SGCD: variants seen among roughly 807,000 people sequenced by gnomAD.
The protein encoded by SGCD is delta-sarcoglycan.
In SGCD, 18 loss-of-function variants were observed where a neutral mutation model predicts 36.6. That is an observed-to-expected ratio of 0.49 (90% confidence interval 0.34 to 0.73). The LOEUF (loss-of-function observed/expected upper bound fraction) is 0.73. Ranked by LOEUF, SGCD falls within the 30% of genes least tolerant of loss-of-function variation. The pLI is 0.01. For synonymous variants in SGCD, 133 were observed against 130.6 expected (o/e 1.02, Z -0.12); for missense variants, 387 against 346.7 (o/e 1.12, Z -0.92).
At chr5:156,530,988 A>G (rs1459724604) in intron 4 of SGCD, among the ~76,000 whole-genome samples, 1 of 152,166 alleles carries the variant, frequency 6.6e-6, no homozygotes, top group African/African-American at 2.4e-5. Flanking sequence ...TGTGGTTTAA[A>G]TGTGTCCCCT....
At chr5:156,449,328 A>T (rs1753891855) in intron 3 of SGCD, among the ~76,000 whole-genome samples, 1 of 152,130 alleles carries the variant, frequency 6.6e-6, no homozygotes, top group Non-Finnish European at 1.5e-5. Flanking sequence ...TTTGTTGCAC[A>T]CTAGACCATA....
At chr5:155,860,326 G>A in the SGCD span, among the ~76,000 whole-genome samples, 1 of 152,156 alleles carries the variant, frequency 6.6e-6, no homozygotes, top group African/African-American at 2.4e-5. Flanking sequence ...TGACAATCCT[G>A]ACATTTAAAC....
intron 1 of SGCD, among the ~76,000 whole-genome samples, chr5:155,882,978 T>A (rs1755922004): frequency 6.6e-6 from 1 of 152,228 alleles, no homozygotes; most frequent in African/African-American, 2.4e-5. Context: ...ACTTCCTTAA[T>A]GATCTCAGCT....
intron 3 of SGCD, among the ~76,000 whole-genome samples, chr5:156,431,866 C>T (rs1330332385): frequency 1.3e-5 from 2 of 152,218 alleles, no homozygotes; most frequent in East Asian, 3.9e-4. Context: ...CAGGCATGCA[C>T]CACCATGCCC....
intron 3 of SGCD, among the ~76,000 whole-genome samples, chr5:156,500,454 T>A (rs945604860): frequency 2.0e-5 from 3 of 152,132 alleles, no homozygotes; most frequent in Non-Finnish European, 4.4e-5. Flanking sequence ...CAGCAAGAGA[T>A]TATCTTGAGA....
At chr5:156,284,427 A>C (rs2127674561) in intron 3 of SGCD, among the ~76,000 whole-genome samples, 1 of 152,314 alleles carries the variant, frequency 6.6e-6, no homozygotes, top group Admixed American at 6.5e-5. Context: ...TCCTCAATAG[A>C]ATACTGGCAA....
At chr5:156,657,922 G>A (rs1381499985) in intron 7 of SGCD, among the ~76,000 whole-genome samples, 1 of 134,748 alleles carries the variant, frequency 7.4e-6, no homozygotes, top group Non-Finnish European at 1.6e-5. Context: ...GATGTGTCAG[G>A]GTCACAAGAC....
intron 1 of SGCD, among the ~76,000 whole-genome samples, chr5:156,075,851 C>G (rs908179681): frequency 2.0e-5 from 3 of 152,294 alleles, no homozygotes; most frequent in Admixed American, 6.5e-5. Context: ...TCATCATTTT[C>G]TACTTGCAGC....
Position 156,667,317 on chromosome 5 carries a change from G to T in SGCD, c.575+19781G>T, listed in dbSNP as rs114814659. ...TTGAGCTTCTTAGCTGTAGGTACTTGGTATGTGGGGCAGTATGACTGATAC... is the reference window on the plus strand; with the variant it reads ...TTGAGCTTCTTAGCTGTAGGTACTTTGTATGTGGGGCAGTATGACTGATAC... On this transcript the variant is annotated intron_variant, in intron 7 of 8. Transcript: ENST00000337851. Among the ~76,000 whole-genome samples the T allele has an allele frequency of 2.0e-3, 297 of 152,226 alleles. 2 individuals are homozygous for T. The highest frequency in any genetic ancestry group is 0.014 in the Middle Eastern group (4 of 294).
At chr5:155,729,941 C>G in the SGCD span, among the ~76,000 whole-genome samples, 158 of 152,290 alleles carry the variant, frequency 1.0e-3, 4 homozygotes, top group East Asian at 0.028. Flanking sequence ...TATCCCAGCT[C>G]CTCCGGCTGG....
chr5:156,352,043 C>T (rs1237098249), intron 3 of SGCD, among the ~76,000 whole-genome samples: 2 of 152,172 alleles, frequency 1.3e-5, no homozygotes, highest in African/African-American at 2.4e-5. Context: ...TTTTATATTT[C>T]CCTAGGCTGT....
chr5:156,164,944 C>G (rs2127619664), intron 3 of SGCD, among the ~76,000 whole-genome samples: 1 of 152,322 alleles, frequency 6.6e-6, no homozygotes, highest in East Asian at 1.9e-4. Context: ...GTTTTCTCCT[C>G]TGGAAAATTG....
chr5:156,376,734 T>G (rs1205074699), intron 3 of SGCD, among the ~76,000 whole-genome samples: 1 of 152,164 alleles, frequency 6.6e-6, no homozygotes, highest in Non-Finnish European at 1.5e-5. Flanking sequence ...TAGGAGAAAA[T>G]TATACTTTTA....
chr5:156,380,482 A>T (rs1423047598), intron 3 of SGCD, among the ~76,000 whole-genome samples: 1 of 152,220 alleles, frequency 6.6e-6, no homozygotes, highest in Non-Finnish European at 1.5e-5. Context: ...TCATTCTCTC[A>T]TTCACTCATT....
At chr5:156,502,382 C>G (rs554640449) in intron 3 of SGCD, among the ~76,000 whole-genome samples, 6 of 151,976 alleles carry the variant, frequency 3.9e-5, no homozygotes, top group African/African-American at 1.2e-4. Context: ...GGATTTTGCT[C>G]TTTCCCAGGC....
chr5:156,396,497 G>A (rs528406957), intron 3 of SGCD, among the ~76,000 whole-genome samples: 5 of 152,246 alleles, frequency 3.3e-5, no homozygotes, highest in Admixed American at 2.0e-4. Flanking sequence ...GCGGGGTTTT[G>A]GAGAGAAAAT....
chr5:156,468,714 G>A (rs187921190), intron 3 of SGCD, among the ~76,000 whole-genome samples: 1 of 152,174 alleles, frequency 6.6e-6, no homozygotes, highest in East Asian at 1.9e-4. Flanking sequence ...TAATGTGGCT[G>A]TGTGTGGTGG....
chr5:156,381,783 G>A (rs1279528191), intron 3 of SGCD, among the ~76,000 whole-genome samples: 1 of 152,216 alleles, frequency 6.6e-6, no homozygotes, highest in Non-Finnish European at 1.5e-5. Context: ...AAGCTCTAGG[G>A]ACAGTCCGCT....
intron 1 of SGCD, among the ~76,000 whole-genome samples, chr5:155,881,034 A>G (rs1486624276): frequency 6.6e-6 from 1 of 152,092 alleles, no homozygotes; most frequent in Non-Finnish European, 1.5e-5. Flanking sequence ...AATAGCTAAA[A>G]CAGGCTTTGG....
Sources: gnomAD v4.1 joint callset for allele counts (sites outside exome capture counted in the v4.1 genomes callset) on GRCh38, gnomAD v4.1.1 for gene constraint, MANE v1.5 for transcripts, NCBI Gene and HGNC (gene_info 2026-07-23, HGNC 2026-07-21) for gene names.